CCDC187: variants seen among roughly 807,000 people sequenced by gnomAD.
CCDC187 encodes the protein coiled-coil domain-containing protein 187.
In CCDC187, 32 loss-of-function variants were observed where a neutral mutation model predicts 38.0. The observed-to-expected ratio is 0.84, with a 90% confidence interval of 0.64 to 1.13. The LOEUF (loss-of-function observed/expected upper bound fraction) is 1.13, where lower values mean the gene tolerates loss of function less well. Ranked by LOEUF, CCDC187 falls within the 50% of genes most tolerant of loss-of-function variation. The probability of loss-of-function intolerance (pLI) is 0.00; values close to 1 mark genes in which losing one functional copy is unlikely to be tolerated. For missense variants in CCDC187, 707 were observed against 786.8 expected, an observed-to-expected ratio of 0.90 and a Z score of 1.21; for synonymous variants, 333 against 347.9, an observed-to-expected ratio of 0.96 and a Z score of 0.48.
Position 136,253,505 on chromosome 9 carries a change from C to A in CCDC187, c.*89G>T. 1 of 762,244 alleles carries A rather than the reference C, an allele frequency of 1.3e-6. No individual in the cohort carries two copies. Among genetic ancestry groups the A allele is most frequent in the South Asian group, 6.0e-5 (1 of 16,800 alleles). The allele number at this position is 762,244 out of a possible 1,614,324, so 47.2% of individuals were successfully genotyped here. ...GACAGGTTCAGGCCACTGGCTGCCT[C>A]CGGCCTCATCCCCTGCTGCAGAACT... On this transcript the variant is annotated 3_prime_UTR_variant, in exon 26 of 26. Transcript: ENST00000638797.
At chr9:136,272,822 C>A (rs1002263206) in intron 14 of CCDC187, among the ~76,000 whole-genome samples, 1 of 151,548 alleles carries the variant, frequency 6.6e-6, no homozygotes, top group East Asian at 1.9e-4. Flanking sequence ...TGCAGTGAGC[C>A]GAGATCTCAC....
chr9:136,293,355 ACACATTCACATGCTCACACACT>A (rs1831406232), intron 4 of CCDC187, among the ~76,000 whole-genome samples: 9 of 138,236 alleles, frequency 6.5e-5, no homozygotes, highest in East Asian at 2.3e-4. Context: ...ACATGCTCAC[ACACATTCACATGCTCACACACT>A]CACACTCACA....
intron 14 of CCDC187, among the ~76,000 whole-genome samples, chr9:136,273,904 G>A (rs1230584419): frequency 6.6e-6 from 1 of 152,246 alleles, no homozygotes; most frequent in East Asian, 1.9e-4. Context: ...TCACACTGAG[G>A]GCTGAAATCA....
intron 7 of CCDC187, among the ~76,000 whole-genome samples, 161 bp downstream of exon 7, chr9:136,289,798 G>A (rs1470350658): frequency 6.6e-6 from 1 of 152,192 alleles, no homozygotes; most frequent in Non-Finnish European, 1.5e-5. Flanking sequence ...CCTCCAAGCA[G>A]GCAGGTGGCA....
At chr9:136,268,632 A>G (rs933814989) in intron 14 of CCDC187, among the ~76,000 whole-genome samples, 1 of 152,188 alleles carries the variant, frequency 6.6e-6, no homozygotes, top group South Asian at 2.1e-4. Context: ...GACAGAGCAA[A>G]AGGGACTGGA....
Position 136,255,724 on chromosome 9 carries a change from G to A in CCDC187, c.4626C>T (p.Ala1542=), listed in dbSNP as rs1331232165. ...SWRSGEQRTE[A]CQQEVPGISS... The stretch of plus-strand genomic sequence containing the variant: ...AGATGCCGGGGACCTCCTGCTGACA[G>A]GCCTCCGTCCTGCAAGCACATTCGT... Residue 1542 remains alanine (A), a synonymous_variant, in exon 25 of 26, where the codon GCC becomes GCT. Coordinates refer to ENST00000638797, the MANE Select transcript of CCDC187 (RefSeq NM_001378188.1). 2.0e-6 allele frequency: 2 copies of A among 985,480 alleles called. No individual in the cohort carries two copies. The highest frequency in any genetic ancestry group is 2.4e-6 in the Non-Finnish European group (2 of 829,940). 61.0% of individuals were successfully genotyped at this position (985,480 alleles called of 1,614,324 possible).
chr9:136,297,430 C>T (rs1040811988), intron 4 of CCDC187, among the ~76,000 whole-genome samples: 1 of 152,122 alleles, frequency 6.6e-6, no homozygotes, highest in Non-Finnish European at 1.5e-5. Context: ...GACAATAGTG[C>T]CTGGTGTTTG....
rs879218719 is a variant in CCDC187 at position 136,286,167 on chromosome 9, G to C, written c.2751C>G (p.Asp917Glu). 313,073 of 398,430 alleles carry C rather than the reference G, an allele frequency of 0.79. 124,140 individuals are homozygous for C. Among genetic ancestry groups the C allele is most frequent in the East Asian group, 0.84 (23,475 of 28,050 alleles). The allele number at this position is 398,430 out of a possible 1,614,324, so 24.7% of individuals were successfully genotyped here. The stretch of plus-strand genomic sequence containing the variant: ...TGGGGCCCCACGACAGTGTCTCGCC[G>C]TCCAGGAAGTAGGTCGGGGGCAGAA... ...QPLLPPTYFL[D>E]GETLSWGPSW... The change falls in exon 8 of 26, where the codon GAC becomes GAG. Residue 917 changes from aspartate (D) to glutamate (E), a missense_variant. Transcript: ENST00000638797.
At position 136,253,541 on chromosome 9, in the gene CCDC187, A is replaced by G; in HGVS notation, c.*53T>C. 1 of 943,162 alleles carries G rather than the reference A, an allele frequency of 1.1e-6. No individual in the cohort carries two copies. Among genetic ancestry groups the G allele is most frequent in the Non-Finnish European group, 1.3e-6 (1 of 791,398 alleles). The allele number at this position is 943,162 out of a possible 1,614,324, so 58.4% of individuals were successfully genotyped here. On this transcript the variant is annotated 3_prime_UTR_variant, in exon 26 of 26. Transcript: ENST00000638797. ...CCCTGCTGCAGAACTGCATCTACCC[A>G]ACTGGTCGTCAACGCTTCCACCCGG...
intron 20 of CCDC187, 120 bp from the exon 21 acceptor site, chr9:136,259,568 A>T: frequency 3.3e-6 from 1 of 304,626 alleles, no homozygotes; most frequent in Non-Finnish European, 4.8e-6. Flanking sequence ...GAGACAAGCT[A>T]ACCTCAAGGG....
Position 136,253,918 on chromosome 9 carries a change from A to G in CCDC187, c.5910T>C (p.Thr1970=). 1 of 887,158 alleles carries G rather than the reference A, an allele frequency of 1.1e-6. No homozygotes were observed. Among genetic ancestry groups the G allele is most frequent in the Non-Finnish European group, 1.4e-6 (1 of 740,066 alleles). The allele number at this position is 887,158 out of a possible 1,614,324, so 55.0% of individuals were successfully genotyped here. ...APGPGGNGAP[T]VLEEACPLLA... ...GTAGGGGACAGGCTTCCTCCAGGAC[A>G]GTGGGGGCCCCATTCCCACCAGGCC... The change falls in exon 26 of 26, where the codon ACT becomes ACC. Residue 1970 remains threonine (T), a synonymous_variant. Coordinates refer to ENST00000638797, the MANE Select transcript of CCDC187 (RefSeq NM_001378188.1).
intron 19 of CCDC187, among the ~76,000 whole-genome samples, chr9:136,261,720 C>T (rs537998177): frequency 8.5e-5 from 13 of 152,344 alleles, no homozygotes; most frequent in African/African-American, 1.7e-4. Context: ...AGCCTCAGGA[C>T]GCTCCCCCAG....
chr9:136,300,337 A>C lies in CCDC187; in HGVS notation c.626-19T>G, dbSNP rs1279041574. Reference sequence around the variant, plus strand: ...CTGAAACCTGGAACAGGGTGAAAAGAAGAAGGCAGCGTGAGAAGAGAGATC... The same window carrying C: ...CTGAAACCTGGAACAGGGTGAAAAGCAGAAGGCAGCGTGAGAAGAGAGATC... On this transcript the variant is annotated intron_variant, in intron 2 of 25. Transcript: ENST00000638797. 1 of 398,524 alleles carries C rather than the reference A, an allele frequency of 2.5e-6. No homozygotes were observed. The highest frequency in any genetic ancestry group is 4.4e-6 in the Non-Finnish European group (1 of 226,066). The allele number at this position is 398,524 out of a possible 1,614,324, so 24.7% of individuals were successfully genotyped here.
chr9:136,298,190 G>C (rs1032777708), intron 3 of CCDC187, among the ~76,000 whole-genome samples: 3 of 152,206 alleles, frequency 2.0e-5, no homozygotes, highest in African/African-American at 7.2e-5. Flanking sequence ...CTGGGGGCCC[G>C]GGCCATGGGC....
At chr9:136,262,704 C>A (rs1474519739) in intron 18 of CCDC187, among the ~76,000 whole-genome samples, 6 of 152,198 alleles carry the variant, frequency 3.9e-5, no homozygotes, top group African/African-American at 7.2e-5. Context: ...TGGCCAGAGA[C>A]CCCCATGCCC....
upstream of CCDC187, among the ~76,000 whole-genome samples, chr9:136,305,768 G>A (rs1349715290): frequency 3.3e-5 from 5 of 152,242 alleles, no homozygotes; most frequent in African/African-American, 4.8e-5. Flanking sequence ...GCCTGGGAAC[G>A]GAAAAGCAAA....
chr9:136,299,052 C>T lies in CCDC187; in HGVS notation c.724+1168G>A, dbSNP rs1318935635. On this transcript the variant is annotated intron_variant, in intron 3 of 25. Coordinates refer to ENST00000638797, the MANE Select transcript of CCDC187 (RefSeq NM_001378188.1). ...GAGTGACCCATTGCTGGACCCTGAA[C>T]TTGACCTGGGGCAGGGGCAGAGAAA... 6.6e-5 allele frequency among the ~76,000 whole-genome samples: 10 copies of T among 152,184 alleles called. 1 individual carries two copies. Among genetic ancestry groups the T allele is most frequent in the Non-Finnish European group, 1.0e-4 (7 of 68,040 alleles).
Position 136,251,808 on chromosome 9 carries a change from C to A in CCDC187, c.*1786G>T, listed in dbSNP as rs1328107109. ...TCCGGGCCTGGCTTCAGGTGACCGT[C>A]CCGCGGAGCCGGCGCCCACCCTGTC... On this transcript the variant is annotated 3_prime_UTR_variant, in exon 26 of 26. Transcript: ENST00000638797. 6.5e-6 allele frequency: 1 copy of A among 153,560 alleles called. No individual in the cohort carries two copies. Among genetic ancestry groups the A allele is most frequent in the Non-Finnish European group, 1.5e-5 (1 of 68,882 alleles). The allele number at this position is 153,560 out of a possible 1,614,324, so 9.5% of individuals were successfully genotyped here.
upstream of CCDC187, among the ~76,000 whole-genome samples, chr9:136,306,292 T>C (rs1831803215): frequency 6.6e-6 from 1 of 152,198 alleles, no homozygotes; most frequent in Admixed American, 6.5e-5. Context: ...CCTCAGCTCC[T>C]GGCCTCTCCG....
Sources: gnomAD v4.1 joint callset for allele counts (sites outside exome capture counted in the v4.1 genomes callset) on GRCh38, gnomAD v4.1.1 for gene constraint, MANE v1.5 for transcripts, NCBI Gene and HGNC (gene_info 2026-07-23, HGNC 2026-07-21) for gene names.